The following SNX6 variants were observed in gnomAD, a reference collection of about 807,000 sequenced individuals.
The protein encoded by SNX6 is sorting nexin-6.
A neutral mutation model predicts 63.0 loss-of-function variants in SNX6; 34 were observed. The ratio of observed to expected loss-of-function variants is 0.54; its 90% CI spans 0.41 to 0.72. SNX6 has a LOEUF of 0.72. SNX6 is among the 30% of genes least tolerant of loss of function. SNX6 has a pLI of 0.00. For synonymous variants in SNX6, 170 were observed against 164.2 expected, an observed-to-expected ratio of 1.04 and a Z score of -0.27; for missense variants, 398 against 471.4, an observed-to-expected ratio of 0.84 and a Z score of 1.44.
chr14:34,602,540 A>G (rs7493420), intron 6 of SNX6, among the ~76,000 whole-genome samples: 126,883 of 147,584 alleles, frequency 0.86, 54,718 homozygotes, highest in Non-Finnish European at 0.88. Flanking sequence ...ACAGTGAGCC[A>G]AGATTGCGCC....
chr14:34,565,696 CTTT>C (rs1881149809), intron 13 of SNX6, among the ~76,000 whole-genome samples: 1 of 107,036 alleles, frequency 9.3e-6, no homozygotes. Context: ...TTTTTTTTTT[CTTT>C]TTTATTTTGA....
chr14:34,617,299 G>T (rs1313040438), intron 2 of SNX6, among the ~76,000 whole-genome samples: 1 of 152,070 alleles, frequency 6.6e-6, no homozygotes, highest in Non-Finnish European at 1.5e-5. Flanking sequence ...ATCATTAGAA[G>T]AACAATTTAA....
intron 2 of SNX6, among the ~76,000 whole-genome samples, chr14:34,619,543 CA>C (rs1883549180): frequency 6.8e-6 from 1 of 147,228 alleles, no homozygotes; most frequent in African/African-American, 2.4e-5. Flanking sequence ...CACTTATACG[CA>C]AACACTGTCC....
At chr14:34,615,756 A>G (rs1883395275) in intron 2 of SNX6, among the ~76,000 whole-genome samples, 1 of 152,134 alleles carries the variant, frequency 6.6e-6, no homozygotes, top group Non-Finnish European at 1.5e-5. Flanking sequence ...TTAGGATTAC[A>G]GGCGTGAGCC....
intron 2 of SNX6, among the ~76,000 whole-genome samples, chr14:34,622,569 CAAAAAAAAA>C (rs35554563): frequency 9.0e-5 from 9 of 99,680 alleles, no homozygotes; most frequent in African/African-American, 3.0e-4. Flanking sequence ...GGCAATAGAG[CAAAAAAAAA>C]AAAAAAAAAA....
chr14:34,574,091 A>T (rs936071617), intron 11 of SNX6, among the ~76,000 whole-genome samples: 2 of 151,638 alleles, frequency 1.3e-5, no homozygotes, highest in Non-Finnish European at 2.9e-5. Flanking sequence ...TAATCCCAGC[A>T]CTTTGGGAGG....
intron 5 of SNX6, 25 bp downstream of exon 5, chr14:34,605,571 A>C (rs767079334): frequency 4.6e-6 from 7 of 1,507,874 alleles, no homozygotes; most frequent in Non-Finnish European, 2.6e-6. Context: ...AAAAAAAAAA[A>C]CAAAAAAATA....
At chr14:34,624,984 C>A (rs1039919835) in intron 2 of SNX6, among the ~76,000 whole-genome samples, 2 of 152,020 alleles carry the variant, frequency 1.3e-5, no homozygotes, top group Non-Finnish European at 2.9e-5. Flanking sequence ...GGCACGCTCT[C>A]AGCTCACTGC....
intron 4 of SNX6, 77 bp from the exon 5 acceptor site, chr14:34,605,794 C>A: frequency 2.6e-6 from 4 of 1,513,326 alleles, no homozygotes; most frequent in South Asian, 2.7e-5. Context: ...CCATAGAAGA[C>A]TGTGTCTGGG....
chr14:34,581,675 C>T (rs1479168868), intron 9 of SNX6, 75 bp from the exon 10 acceptor site: 2 of 871,186 alleles, frequency 2.3e-6, no homozygotes, highest in Non-Finnish European at 3.8e-6. Context: ...GAATATGCTC[C>T]CAAACCATAT....
At position 34,601,249 on chromosome 14, in the gene SNX6, G is replaced by A. The variant is rs1240166074; in HGVS notation, c.516+2099C>T. ...TTTTTTTTTTTTTTTTTTTTGAGAC[G>A]GAGTCTCGCTTTGTCACCCAGGCTG... On this transcript the variant is annotated intron_variant, in intron 6 of 13. Coordinates refer to ENST00000362031, the MANE Select transcript of SNX6 (RefSeq NM_152233.4). Among the ~76,000 whole-genome samples, 71 of 140,922 alleles carry A rather than the reference G, an allele frequency of 5.0e-4. 1 individual carries two copies. The highest frequency in any genetic ancestry group is 3.1e-3 in the Admixed American group (43 of 13,820). The allele number at this position is 140,922 out of a possible 152,430, so 92.5% of individuals were successfully genotyped here.
chr14:34,612,509 C>G (rs1883270737), intron 2 of SNX6, among the ~76,000 whole-genome samples: 1 of 152,060 alleles, frequency 6.6e-6, no homozygotes, highest in African/African-American at 2.4e-5. Flanking sequence ...TCTTGGCTCA[C>G]TACAACCTCC....
intron 11 of SNX6, among the ~76,000 whole-genome samples, chr14:34,571,483 A>G (rs776689560): frequency 5.3e-5 from 8 of 152,160 alleles, no homozygotes; most frequent in Non-Finnish European, 1.2e-4. Flanking sequence ...ACTTAAGCGC[A>G]TGTAACTAAA....
At chr14:34,589,488 A>G (rs1380179727) in intron 8 of SNX6, among the ~76,000 whole-genome samples, 1 of 151,752 alleles carries the variant, frequency 6.6e-6, no homozygotes, top group African/African-American at 2.4e-5. Context: ...AAAAACAAAG[A>G]AAACATAAAG....
At chr14:34,596,417 G>A (rs1458202623) in intron 7 of SNX6, among the ~76,000 whole-genome samples, 1 of 151,424 alleles carries the variant, frequency 6.6e-6, no homozygotes. Flanking sequence ...TCAAGAGTTC[G>A]AGACCAGCCT....
chr14:34,616,738 T>C (rs1702878300), intron 2 of SNX6, among the ~76,000 whole-genome samples: 1 of 152,078 alleles, frequency 6.6e-6, no homozygotes, highest in Non-Finnish European at 1.5e-5. Context: ...TTTAGAGGGT[T>C]TTATTAAGGA....
chr14:34,611,348 C>T (rs1883218822), intron 2 of SNX6, among the ~76,000 whole-genome samples: 1 of 152,150 alleles, frequency 6.6e-6, no homozygotes, highest in Non-Finnish European at 1.5e-5. Context: ...ACATGTTGTA[C>T]ACCTGTAGTC....
At chr14:34,577,259 AT>A (rs149346254) in intron 10 of SNX6, among the ~76,000 whole-genome samples, 3,536 of 149,246 alleles carry the variant, frequency 0.024, 58 homozygotes, top group Middle Eastern at 0.059. Context: ...ATTTTTTTGT[AT>A]TTTTTTTTAG....
chr14:34,595,156 G>C (rs903460359), intron 7 of SNX6, among the ~76,000 whole-genome samples: 8 of 151,342 alleles, frequency 5.3e-5, no homozygotes, highest in African/African-American at 2.0e-4. Context: ...ATATGTAACA[G>C]TTCCCTCTCT....
Sources: gnomAD v4.1 joint callset for allele counts (sites outside exome capture counted in the v4.1 genomes callset) on GRCh38, gnomAD v4.1.1 for gene constraint, MANE v1.5 for transcripts, NCBI Gene and HGNC (gene_info 2026-07-23, HGNC 2026-07-21) for gene names.